ST8SIA1: variants seen among roughly 807,000 people sequenced by gnomAD.
ST8SIA1 encodes ST8 alpha-N-acetyl-neuraminide alpha-2,8-sialyltransferase 1, also known as alpha-N-acetylneuraminide alpha-2,8-sialyltransferase.
A neutral mutation model predicts 35.9 loss-of-function variants in ST8SIA1; 16 were observed. The observed-to-expected ratio is 0.45, with a 90% confidence interval of 0.30 to 0.68. The LOEUF (loss-of-function observed/expected upper bound fraction) is 0.68. Ranked by LOEUF, ST8SIA1 falls within the 30% of genes least tolerant of loss-of-function variation. ST8SIA1 has a pLI of 0.09. For missense variants in ST8SIA1, 383 were observed against 453.6 expected, an observed-to-expected ratio of 0.84 and a Z score of 1.41; for synonymous variants, 170 against 169.6, an observed-to-expected ratio of 1.00 and a Z score of -0.02.
intron 2 of ST8SIA1, among the ~76,000 whole-genome samples, chr12:22,275,422 G>A (rs1254236109): frequency 3.9e-5 from 6 of 152,138 alleles, no homozygotes; most frequent in African/African-American, 1.4e-4. Flanking sequence ...AGGCATGGTG[G>A]TGCACACCTA....
intron 1 of ST8SIA1, among the ~76,000 whole-genome samples, chr12:22,328,141 G>A (rs537440278): frequency 6.6e-6 from 1 of 152,210 alleles, no homozygotes; most frequent in Non-Finnish European, 1.5e-5. Context: ...TGTCAGGAGG[G>A]TTGAAATTAA....
At chr12:22,272,187 T>C (rs1865919662) in intron 2 of ST8SIA1, among the ~76,000 whole-genome samples, 1 of 152,222 alleles carries the variant, frequency 6.6e-6, no homozygotes, top group South Asian at 2.1e-4. Context: ...ATAATTTACT[T>C]TATAATTTTT....
intron 1 of ST8SIA1, among the ~76,000 whole-genome samples, chr12:22,302,941 T>C (rs533460000): frequency 6.6e-6 from 1 of 152,198 alleles, no homozygotes; most frequent in African/African-American, 2.4e-5. Flanking sequence ...ATCTTACATA[T>C]ATCAATGGAT....
intron 4 of ST8SIA1, among the ~76,000 whole-genome samples, chr12:22,238,711 T>A (rs926945479): frequency 1.3e-5 from 2 of 152,178 alleles, no homozygotes; most frequent in African/African-American, 4.8e-5. Context: ...CATTTTCCAG[T>A]ATTTTAGTTG....
chr12:22,216,896 A>C (rs932679969), intron 4 of ST8SIA1, among the ~76,000 whole-genome samples: 1 of 152,240 alleles, frequency 6.6e-6, no homozygotes, highest in African/African-American at 2.4e-5. Flanking sequence ...AGATAACATA[A>C]GAGATACTTT....
chr12:22,303,048 A>C (rs554429383), intron 1 of ST8SIA1, among the ~76,000 whole-genome samples: 8 of 152,188 alleles, frequency 5.3e-5, no homozygotes, highest in Non-Finnish European at 1.2e-4. Flanking sequence ...TCATGGACAC[A>C]CGTGCTCAAC....
chr12:22,286,303 C>A (rs542106512), intron 2 of ST8SIA1, among the ~76,000 whole-genome samples: 1 of 152,256 alleles, frequency 6.6e-6, no homozygotes, highest in South Asian at 2.1e-4. Flanking sequence ...AGAACCTGTG[C>A]CTCAGCTTTG....
intron 2 of ST8SIA1, among the ~76,000 whole-genome samples, chr12:22,267,615 A>T (rs1220032011): frequency 6.6e-6 from 1 of 152,154 alleles, no homozygotes; most frequent in Non-Finnish European, 1.5e-5. Flanking sequence ...GCAGCCTGTA[A>T]ATTACCTTCA....
At chr12:22,317,219 G>A (rs78768661) in intron 1 of ST8SIA1, among the ~76,000 whole-genome samples, 1,558 of 152,196 alleles carry the variant, frequency 0.01, 28 homozygotes, top group African/African-American at 0.035. Flanking sequence ...CATACTAAGT[G>A]GGGTATCTAC....
At chr12:22,300,944 T>TTGGG (rs1243484008) in intron 1 of ST8SIA1, among the ~76,000 whole-genome samples, 1 of 152,116 alleles carries the variant, frequency 6.6e-6, no homozygotes, top group Non-Finnish European at 1.5e-5. Context: ...TTGGTTTTCT[T>TTGGG]TGGGTTGTAT....
Position 22,198,143 on chromosome 12 carries a change from T to C in ST8SIA1, c.*3409A>G, listed in dbSNP as rs1865009514. On this transcript the variant is annotated 3_prime_UTR_variant, in exon 5 of 5. Coordinates refer to ENST00000396037, the MANE Select transcript of ST8SIA1 (RefSeq NM_003034.4). ...TATCAGGGTACTAGTTTTTAGTCTC[T>C]TCACCCTTCCTTTTGCCCCTATGGA... is the stretch of plus-strand genomic sequence containing the variant. 1 of 152,168 alleles carries C rather than the reference T, an allele frequency of 6.6e-6. No homozygotes were observed. The highest frequency in any genetic ancestry group is 1.9e-4 in the East Asian group (1 of 5,192). 9.4% of individuals were successfully genotyped at this position (152,168 alleles called of 1,614,324 possible).
chr12:22,205,950 T>C (rs1276365511), intron 4 of ST8SIA1, among the ~76,000 whole-genome samples: 1 of 152,112 alleles, frequency 6.6e-6, no homozygotes, highest in Non-Finnish European at 1.5e-5. Flanking sequence ...CAAACATAAA[T>C]TGGTATCGAT....
At chr12:22,285,748 T>G (rs1433250822) in intron 2 of ST8SIA1, among the ~76,000 whole-genome samples, 1 of 151,876 alleles carries the variant, frequency 6.6e-6, no homozygotes. Context: ...CACATGTCTG[T>G]GATCCCAGCT....
In ST8SIA1 at chr12:22,327,248, C is replaced by G. The variant is rs1026596274; in HGVS notation, c.236+6749G>C. ...CAAATCTGCATAACAATCTGGAATGCCAAATTCAAATTTAGACTCCTGAAA... is the reference window on the plus strand; with the variant it reads ...CAAATCTGCATAACAATCTGGAATGGCAAATTCAAATTTAGACTCCTGAAA... On this transcript the variant is annotated intron_variant, in intron 1 of 4. Transcript: ENST00000396037. Among the ~76,000 whole-genome samples, 14 of 152,304 alleles carry G rather than the reference C, an allele frequency of 9.2e-5. 1 individual carries two copies. The South Asian group carries it at 2.9e-3, about 32-fold the overall frequency.
At chr12:22,204,312 T>A (rs1334892052) in intron 4 of ST8SIA1, among the ~76,000 whole-genome samples, 1 of 152,222 alleles carries the variant, frequency 6.6e-6, no homozygotes, top group Non-Finnish European at 1.5e-5. Flanking sequence ...AGGTATGTAA[T>A]GTGGTGTTTT....
intron 2 of ST8SIA1, among the ~76,000 whole-genome samples, chr12:22,265,429 T>C (rs951847256): frequency 4.6e-5 from 7 of 152,220 alleles, no homozygotes; most frequent in Non-Finnish European, 1.0e-4. Context: ...CACATCTTCA[T>C]GTTGATGAGC....
Position 22,239,761 on chromosome 12 carries a change from G to C in ST8SIA1, c.584+9245C>G, listed in dbSNP as rs190240377. Among the ~76,000 whole-genome samples, 4 of 152,244 alleles carry C rather than the reference G, an allele frequency of 2.6e-5. No individual in the cohort carries two copies. The East Asian group carries it at 7.7e-4, about 29-fold the overall frequency. The stretch of plus-strand genomic sequence containing the variant: ...TGAACATAGTATGTGAGAATTCTAT[G>C]AGCTTTCTTCCAGAAGAAATTTGTG... On this transcript the variant is annotated intron_variant, in intron 4 of 4. Transcript: ENST00000396037.
chr12:22,211,963 G>A lies in ST8SIA1; in HGVS notation c.585-9925C>T, dbSNP rs542130522. Among the ~76,000 whole-genome samples the A allele has an allele frequency of 7.2e-5, 11 of 152,182 alleles. No individual in the cohort carries two copies. In the East Asian group the frequency reaches 1.5e-3, roughly 21 times the overall value. ...TGACCACAGGTGATCCACGCACCTC[G>A]GCCTCCCAAAGTACTGGGATTACAG... On this transcript the variant is annotated intron_variant, in intron 4 of 4. Coordinates refer to ENST00000396037, the MANE Select transcript of ST8SIA1 (RefSeq NM_003034.4).
chr12:22,309,252 C>T (rs1424571972), intron 1 of ST8SIA1, among the ~76,000 whole-genome samples: 3 of 152,172 alleles, frequency 2.0e-5, no homozygotes, highest in Non-Finnish European at 4.4e-5. Context: ...AGCTTTTCTT[C>T]CCTAAAGACT....
Sources: allele counts gnomAD v4.1 joint callset (sites outside exome capture counted in the v4.1 genomes callset), GRCh38; gene constraint gnomAD v4.1.1; transcripts MANE v1.5; gene names NCBI Gene and HGNC (gene_info 2026-07-23, HGNC 2026-07-21).